The following GKAP1 variants were observed in gnomAD, a reference collection of about 807,000 sequenced individuals.
GKAP1 encodes G kinase anchoring protein 1, also known as G kinase-anchoring protein 1.
In GKAP1, 31 loss-of-function variants were observed where a neutral mutation model predicts 56.7. The ratio of observed to expected loss-of-function variants is 0.55; its 90% CI spans 0.41 to 0.74. GKAP1 has a LOEUF of 0.74. Ranked by LOEUF, GKAP1 falls within the 30% of genes least tolerant of loss-of-function variation. The pLI, the probability that GKAP1 is intolerant of heterozygous loss-of-function variation, is 0.00. For missense variants in GKAP1, 364 were observed against 402.3 expected (o/e 0.90, Z 0.82); for synonymous variants, 151 against 138.6 (o/e 1.09, Z -0.63).
chr9:83,779,476 T>TACAC (rs1564201519), intron 7 of GKAP1, among the ~76,000 whole-genome samples: 3 of 51,962 alleles, frequency 5.8e-5, no homozygotes, highest in Non-Finnish European at 1.6e-4. Context: ...CACATATACA[T>TACAC]ATACATACAT....
chr9:83,766,288 C>T (rs1274997184), intron 8 of GKAP1, among the ~76,000 whole-genome samples: 1 of 152,196 alleles, frequency 6.6e-6, no homozygotes, highest in Non-Finnish European at 1.5e-5. Flanking sequence ...GAGTCAATTA[C>T]ACCTCTTTCC....
chr9:83,816,972 T>C (rs1398345161), intron 2 of GKAP1, 24 bp downstream of exon 2: 2 of 152,178 alleles, frequency 1.3e-5, no homozygotes, highest in Non-Finnish European at 2.9e-5. Flanking sequence ...AGGAGCACTA[T>C]ATTCAAAAAG....
intron 5 of GKAP1, among the ~76,000 whole-genome samples, chr9:83,787,223 G>A (rs1419857391): frequency 6.6e-6 from 1 of 152,102 alleles, no homozygotes; most frequent in African/African-American, 2.4e-5. Context: ...TAAATAACTA[G>A]CAAAATCAAT....
intron 9 of GKAP1, among the ~76,000 whole-genome samples, chr9:83,751,187 T>G (rs1943383036): frequency 6.6e-6 from 1 of 152,162 alleles, no homozygotes; most frequent in East Asian, 1.9e-4. Context: ...CCAACTCATA[T>G]CTGCAATTTC....
At chr9:83,777,794 G>C (rs931180780) in intron 7 of GKAP1, among the ~76,000 whole-genome samples, 1 of 152,084 alleles carries the variant, frequency 6.6e-6, no homozygotes, top group Non-Finnish European at 1.5e-5. Flanking sequence ...AACAAAACTA[G>C]TTCATTTGTA....
chr9:83,772,234 C>T (rs1041317260), intron 7 of GKAP1, among the ~76,000 whole-genome samples: 4 of 152,024 alleles, frequency 2.6e-5, no homozygotes, highest in African/African-American at 9.7e-5. Context: ...CAGTATGGTG[C>T]TTATGTAAGT....
At position 83,817,089 on chromosome 9, in the gene GKAP1, G is replaced by A. The variant is rs555302596; in HGVS notation, c.-137C>T. 2.0e-5 allele frequency: 3 copies of A among 152,300 alleles called. No individual in the cohort carries two copies. The East Asian group carries it at 5.8e-4, about 29-fold the overall frequency. 9.4% of individuals were successfully genotyped at this position (152,300 alleles called of 1,614,324 possible). On this transcript the variant is annotated 5_prime_UTR_variant, in exon 2 of 13. Transcript: ENST00000376371. Reference sequence around the variant, plus strand: ...AGTACATAGAGAAAGAAATTGCGCTGGGCGAAACCTAACTCGGGCAGAGAA... The same window carrying A: ...AGTACATAGAGAAAGAAATTGCGCTAGGCGAAACCTAACTCGGGCAGAGAA...
chr9:83,742,934 A>G (rs1229398897), intron 10 of GKAP1, among the ~76,000 whole-genome samples: 1 of 152,220 alleles, frequency 6.6e-6, no homozygotes, highest in Non-Finnish European at 1.5e-5. Context: ...AGGTGGGCAG[A>G]TCACTTGAAG....
intron 5 of GKAP1, among the ~76,000 whole-genome samples, chr9:83,786,179 C>T (rs1219799811): frequency 6.6e-6 from 1 of 152,202 alleles, no homozygotes; most frequent in Non-Finnish European, 1.5e-5. Flanking sequence ...TGTCTCCCTC[C>T]ACTACACTCA....
chr9:83,748,570 A>G (rs1380939850), intron 9 of GKAP1, 198 bp from the exon 10 acceptor site: 1 of 315,218 alleles, frequency 3.2e-6, no homozygotes, highest in African/African-American at 2.1e-5. Flanking sequence ...ACATATCAAT[A>G]TTATACGTGA....
intron 3 of GKAP1, among the ~76,000 whole-genome samples, chr9:83,804,138 C>CCG: frequency 6.7e-6 from 1 of 148,600 alleles, no homozygotes; most frequent in South Asian, 2.2e-4. Context: ...GTCAGCCCCC[C>CCG]GCACGGCCAG....
Position 83,784,922 on chromosome 9 carries a change from T to TTA in GKAP1, c.439-86_439-85dup, listed in dbSNP as rs2131293969. The TTA allele has an allele frequency of 6.2e-6, 7 of 1,127,664 alleles. No homozygotes were observed. The South Asian group carries it at 1.3e-4, about 21-fold the overall frequency. The allele number at this position is 1,127,664 out of a possible 1,614,324, so 69.9% of individuals were successfully genotyped here. On this transcript the variant is annotated intron_variant, in intron 5 of 12. Transcript: ENST00000376371. Reference sequence around the variant, plus strand: ...CAACAGGTAATATGTTTCTTAAAGTTTATTTTTTAAAGATAAAAGGCAAAT... The same window carrying TTA: ...CAACAGGTAATATGTTTCTTAAAGTTTATATTTTTTAAAGATAAAAGGCAAAT...
intron 2 of GKAP1, among the ~76,000 whole-genome samples, chr9:83,815,224 C>T (rs1389144474): frequency 6.6e-6 from 1 of 151,790 alleles, no homozygotes; most frequent in African/African-American, 2.4e-5. Context: ...GCATTGGCTG[C>T]TTAAGTAAAC....
At chr9:83,805,069 C>T (rs1247999017) in intron 3 of GKAP1, among the ~76,000 whole-genome samples, 2 of 152,102 alleles carry the variant, frequency 1.3e-5, no homozygotes, top group African/African-American at 2.4e-5. Flanking sequence ...GGATGGTTGC[C>T]GTGTCTGTGT....
intron 3 of GKAP1, among the ~76,000 whole-genome samples, chr9:83,800,317 A>G (rs937273822): frequency 4.7e-5 from 7 of 149,900 alleles, no homozygotes; most frequent in Non-Finnish European, 7.4e-5. Context: ...TTTAGCCTAA[A>G]GCTGCCTCCT....
chr9:83,766,983 TTAC>T lies in GKAP1; in HGVS notation c.738+1832_738+1834del, dbSNP rs533068302. On this transcript the variant is annotated intron_variant, in intron 8 of 12. Coordinates refer to ENST00000376371, the MANE Select transcript of GKAP1 (RefSeq NM_025211.4). ...AGTGTTCATGGGGACATTAGTGAAATTACTACAAGTTTCAAGCTAGGAGAATTG... is the reference window on the plus strand; with the variant it reads ...AGTGTTCATGGGGACATTAGTGAAATTACAAGTTTCAAGCTAGGAGAATTG... 2.5e-3 allele frequency among the ~76,000 whole-genome samples: 376 copies of T among 152,272 alleles called. 1 individual carries two copies. The highest frequency in any genetic ancestry group is 8.7e-3 in the African/African-American group (362 of 41,556).
intron 8 of GKAP1, among the ~76,000 whole-genome samples, chr9:83,756,043 G>A (rs966231760): frequency 2.6e-5 from 4 of 151,910 alleles, no homozygotes; most frequent in Admixed American, 1.3e-4. Flanking sequence ...GATCTCAGGC[G>A]ATCCACCTGC....
chr9:83,757,042 T>C (rs1411414748), intron 8 of GKAP1, among the ~76,000 whole-genome samples: 1 of 152,304 alleles, frequency 6.6e-6, no homozygotes, highest in African/African-American at 2.4e-5. Context: ...GGCTCTGTAA[T>C]CTATTAAAAA....
chr9:83,761,085 CA>C (rs1943562605), intron 8 of GKAP1, among the ~76,000 whole-genome samples: 1 of 143,464 alleles, frequency 7.0e-6, no homozygotes, highest in Non-Finnish European at 1.5e-5. Context: ...ATGAAGAATC[CA>C]AAAGTTGATT....
Sources: allele counts gnomAD v4.1 joint callset (sites outside exome capture counted in the v4.1 genomes callset), GRCh38; gene constraint gnomAD v4.1.1; transcripts MANE v1.5; gene names NCBI Gene and HGNC (gene_info 2026-07-23, HGNC 2026-07-21).